ADIPOR2: variants seen among roughly 807,000 people sequenced by gnomAD.
ADIPOR2 encodes the protein adiponectin receptor protein 2.
Under a neutral mutation model 40.9 loss-of-function variants are expected in ADIPOR2, and 18 were observed. That is an observed-to-expected ratio of 0.44 (90% CI 0.30 to 0.65). The LOEUF is 0.65. Ranked by LOEUF, ADIPOR2 falls within the 30% of genes least tolerant of loss-of-function variation. ADIPOR2 has a pLI of 0.09. For missense variants in ADIPOR2, 283 were observed against 479.2 expected, an observed-to-expected ratio of 0.59 and a Z score of 3.82; for synonymous variants, 165 against 166.4, an observed-to-expected ratio of 0.99 and a Z score of 0.06.
chr12:1,711,753 C>A (rs2094677726), intron 1 of ADIPOR2, among the ~76,000 whole-genome samples: 1 of 151,988 alleles, frequency 6.6e-6, no homozygotes, highest in East Asian at 1.9e-4. Flanking sequence ...TGGTCTTTCC[C>A]TGCCTCTGCC....
At position 1,696,349 on chromosome 12, in the gene ADIPOR2, C is replaced by CT. The variant is rs1369895835; in HGVS notation, c.-87+5161dup. 3.1e-5 allele frequency: 5 copies of CT among 163,444 alleles called. No homozygotes were observed. The East Asian group carries it at 7.2e-4, about 24-fold the overall frequency. The allele number at this position is 163,444 out of a possible 1,614,324, so 10.1% of individuals were successfully genotyped here. On this transcript the variant is annotated intron_variant, in intron 1 of 7. Transcript: ENST00000357103. ...CTGAGACTGGTGCTTCCCCACCCAT[C>CT]TTTATCATTTTCAGCCTTCTCTTTT...
chr12:1,713,106 T>C (rs965183331), intron 1 of ADIPOR2, among the ~76,000 whole-genome samples: 2 of 152,068 alleles, frequency 1.3e-5, no homozygotes, highest in South Asian at 2.1e-4. Context: ...CCCTGAACCT[T>C]TGGGGCAAGA....
At chr12:1,723,612 T>C (rs940406151) in intron 1 of ADIPOR2, among the ~76,000 whole-genome samples, 2 of 151,568 alleles carry the variant, frequency 1.3e-5, no homozygotes, top group Admixed American at 6.6e-5. Context: ...TGCATTCCAG[T>C]CTGGGTGACA....
intron 1 of ADIPOR2, among the ~76,000 whole-genome samples, chr12:1,715,274 G>T (rs2094685301): frequency 6.6e-6 from 1 of 152,082 alleles, no homozygotes; most frequent in Non-Finnish European, 1.5e-5. Context: ...AGGTCAAGCT[G>T]CAGGATAGTA....
chr12:1,697,990 T>TTA (rs1231981500), intron 1 of ADIPOR2: 1 of 152,238 alleles, frequency 6.6e-6, no homozygotes, highest in Admixed American at 6.5e-5. Context: ...TGGCTCCACT[T>TTA]TATTAGATTC....
chr12:1,733,502 CTA>C (rs1343947476), intron 1 of ADIPOR2, among the ~76,000 whole-genome samples: 3 of 152,198 alleles, frequency 2.0e-5, no homozygotes, highest in South Asian at 2.1e-4. Context: ...AGAGTTTCTT[CTA>C]TCTTTTTTGT....
chr12:1,729,321 A>G (rs894962104), intron 1 of ADIPOR2, among the ~76,000 whole-genome samples: 2 of 152,046 alleles, frequency 1.3e-5, no homozygotes, highest in Admixed American at 6.6e-5. Context: ...TTGACTTGTC[A>G]TAACTTTTTA....
chr12:1,709,489 TCTAA>T (rs1452206839), intron 1 of ADIPOR2, among the ~76,000 whole-genome samples: 1 of 152,220 alleles, frequency 6.6e-6, no homozygotes, highest in African/African-American at 2.4e-5. Context: ...TTTGTTCTCA[TCTAA>T]CTTTCTGGAG....
At chr12:1,717,664 C>T (rs1458302945) in intron 1 of ADIPOR2, among the ~76,000 whole-genome samples, 1 of 151,796 alleles carries the variant, frequency 6.6e-6, no homozygotes, top group Non-Finnish European at 1.5e-5. Context: ...GAGATCGTGC[C>T]ATTGTACTCC....
chr12:1,783,044 G>T (rs576449723), intron 6 of ADIPOR2, among the ~76,000 whole-genome samples: 13 of 139,902 alleles, frequency 9.3e-5, no homozygotes, highest in African/African-American at 3.3e-4. Context: ...GAGTGCAGTG[G>T]TGCCATCTTG....
chr12:1,782,006 T>G (rs1303985902), intron 6 of ADIPOR2, among the ~76,000 whole-genome samples: 1 of 152,246 alleles, frequency 6.6e-6, no homozygotes, highest in Non-Finnish European at 1.5e-5. Context: ...TGAGTACAGC[T>G]GAGCATTCTG....
chr12:1,729,978 A>T (rs879752216), intron 1 of ADIPOR2, among the ~76,000 whole-genome samples: 6 of 152,160 alleles, frequency 3.9e-5, no homozygotes, highest in Non-Finnish European at 7.3e-5. Flanking sequence ...CTTAGCCAAG[A>T]ACGAAGGCAT....
At chr12:1,699,439 GA>G (rs2094645766) in intron 1 of ADIPOR2, among the ~76,000 whole-genome samples, 1 of 152,012 alleles carries the variant, frequency 6.6e-6, no homozygotes, top group Non-Finnish European at 1.5e-5. Flanking sequence ...CCAACATGGC[GA>G]AACCCCCGTC....
At chr12:1,779,717 T>G (rs1348810099) in intron 4 of ADIPOR2, among the ~76,000 whole-genome samples, 2 of 152,072 alleles carry the variant, frequency 1.3e-5, no homozygotes, top group East Asian at 3.9e-4. Flanking sequence ...GAGAGGAGAG[T>G]AGAGGGTCAA....
intron 1 of ADIPOR2, among the ~76,000 whole-genome samples, chr12:1,701,514 A>G (rs2094650193): frequency 6.6e-6 from 1 of 152,200 alleles, no homozygotes; most frequent in African/African-American, 2.4e-5. Context: ...GATTTGATGT[A>G]AATGATATAT....
At chr12:1,700,513 G>T (rs1318644162) in intron 1 of ADIPOR2, among the ~76,000 whole-genome samples, 1 of 152,134 alleles carries the variant, frequency 6.6e-6, no homozygotes, top group African/African-American at 2.4e-5. Flanking sequence ...AGATCTGGAA[G>T]TGTAATAAAA....
At chr12:1,713,835 A>G (rs1446246567) in intron 1 of ADIPOR2, among the ~76,000 whole-genome samples, 1 of 152,096 alleles carries the variant, frequency 6.6e-6, no homozygotes. Context: ...GGAGATTAAC[A>G]CTGAGCCTCG....
At position 1,780,505 on chromosome 12, in the gene ADIPOR2, C is replaced by T; in HGVS notation, c.518C>T (p.Ser173Phe). 6.2e-7 allele frequency: 1 copy of T among 1,613,730 alleles called. No individual in the cohort carries two copies. Among genetic ancestry groups the T allele is most frequent in the Non-Finnish European group, 8.5e-7 (1 of 1,179,856 alleles). ...TTTTATATGTTTCGCCCAAATATCTCCTTTGTGGCCCCTCTGCAAGAGAAG... is the reference window on the plus strand; with the variant it reads ...TTTTATATGTTTCGCCCAAATATCTTCTTTGTGGCCCCTCTGCAAGAGAAG... ...GIFYMFRPNI[S>F]FVAPLQEKVV... The change falls in exon 5 of 8, where the codon TCC becomes TTC. Residue 173 changes from serine to phenylalanine, a missense_variant. By Grantham distance (155) the Ser-to-Phe change is radical. This residue lies in a region of ADIPOR2 where 112 missense variants were observed against 249.5 expected (regional missense o/e 0.45). Coordinates refer to ENST00000357103, the MANE Select transcript of ADIPOR2 (RefSeq NM_024551.3).
At chr12:1,719,539 T>C (rs1259720402) in intron 1 of ADIPOR2, among the ~76,000 whole-genome samples, 2 of 152,190 alleles carry the variant, frequency 1.3e-5, no homozygotes, top group Non-Finnish European at 2.9e-5. Context: ...ATGGGGAAAA[T>C]AATCATATGT....
Sources: gnomAD v4.1 joint callset for allele counts (sites outside exome capture counted in the v4.1 genomes callset) on GRCh38, gnomAD v4.1.1 for gene constraint, gnomAD v4.1.1 regional missense constraint, MANE v1.5 for transcripts, NCBI Gene and HGNC (gene_info 2026-07-23, HGNC 2026-07-21) for gene names.